CUL3: variants seen among roughly 807,000 people sequenced by gnomAD.
The protein encoded by CUL3 is cullin-3.
A neutral mutation model predicts 89.1 loss-of-function variants in CUL3; 19 were observed. The ratio of observed to expected loss-of-function variants is 0.21; its 90% CI spans 0.15 to 0.31. CUL3 has a LOEUF of 0.31. CUL3 is among the 10% of genes least tolerant of loss of function. The pLI, the probability that CUL3 is intolerant of heterozygous loss-of-function variation, is 1.00. For synonymous variants in CUL3, 351 were observed against 308.4 expected (o/e 1.14, Z -1.45); for missense variants, 469 against 942.3 (o/e 0.50, Z 6.58).
rs2106215785 is a variant in CUL3, at chr2:224,511,496, T to A, written c.741A>T (p.Arg247=). Residue 247 remains arginine, a synonymous_variant, in exon 6 of 16, where the codon CGA becomes CGT. Transcript: ENST00000264414. The part of the protein sequence containing the change: ...VEARINEEIE[R]VMHCLDKSTE... ...TTGATTTGTCAAGGCAGTGCATCAC[T>A]CGTTCTATTTCTTCATTAATTCTAG... 6.2e-7 allele frequency: 1 copy of A among 1,613,672 alleles called. No individual in the cohort carries two copies. Among genetic ancestry groups the A allele is most frequent in the Non-Finnish European group, 8.5e-7 (1 of 1,179,662 alleles).
chr2:224,540,210 C>A (rs1353662910), intron 2 of CUL3, among the ~76,000 whole-genome samples: 1 of 151,962 alleles, frequency 6.6e-6, no homozygotes, highest in Non-Finnish European at 1.5e-5. Context: ...GTGTGCGCCA[C>A]CACACCTGGC....
Position 224,474,629 on chromosome 2 carries a change from T to C in CUL3, c.2176-253A>G, listed in dbSNP as rs575126934. 1.6e-5 allele frequency: 6 copies of C among 372,116 alleles called. No individual in the cohort carries two copies. In the South Asian group the frequency reaches 2.5e-4, roughly 15 times the overall value. 23.1% of individuals were successfully genotyped at this position (372,116 alleles called of 1,614,324 possible). On this transcript the variant is annotated intron_variant, in intron 15 of 15. Coordinates refer to ENST00000264414, the MANE Select transcript of CUL3 (RefSeq NM_003590.5). ...ATTGAATTAGTTGGAATTACAGTAG[T>C]GTGAGCATATGCCACCTATAGTTTA...
At chr2:224,546,237 T>C (rs977307473) in intron 2 of CUL3, among the ~76,000 whole-genome samples, 1 of 152,090 alleles carries the variant, frequency 6.6e-6, no homozygotes, top group African/African-American at 2.4e-5. Context: ...CAGGAAAACA[T>C]ACACAAAGCA....
At chr2:224,527,628 A>ATC (rs1693526786) in intron 3 of CUL3, among the ~76,000 whole-genome samples, 1 of 152,206 alleles carries the variant, frequency 6.6e-6, no homozygotes, top group Non-Finnish European at 1.5e-5. Flanking sequence ...TGATATAAGC[A>ATC]AACCTTGAAC....
At chr2:224,542,550 C>T (rs1288140960) in intron 2 of CUL3, among the ~76,000 whole-genome samples, 2 of 143,140 alleles carry the variant, frequency 1.4e-5, no homozygotes, top group African/African-American at 2.7e-5. Flanking sequence ...TGGCTGTGTG[C>T]GTGTGCGTGT....
rs374191606 is a variant in CUL3 at position 224,470,580 on chromosome 2, A to T, written c.*3665T>A. On this transcript the variant is annotated 3_prime_UTR_variant, in exon 16 of 16. Coordinates refer to ENST00000264414, the MANE Select transcript of CUL3 (RefSeq NM_003590.5). ...AAAGGAAAACATTTTGTAAAACTGT[A>T]GATTTGAATTTAAGGTACATGCCTA... 1.6e-3 allele frequency: 375 copies of T among 231,650 alleles called. 4 individuals carry two copies. The highest frequency in any genetic ancestry group is 6.9e-3 in the African/African-American group (315 of 45,400). The allele number at this position is 231,650 out of a possible 1,614,324, so 14.3% of individuals were successfully genotyped here.
intron 1 of CUL3, among the ~76,000 whole-genome samples, chr2:224,567,102 C>A (rs1236170196): frequency 6.6e-6 from 1 of 152,158 alleles, no homozygotes; most frequent in East Asian, 1.9e-4. Context: ...TCCAGGTTTA[C>A]AGTTTTCCAC....
chr2:224,566,979 C>T (rs1695056163), intron 1 of CUL3, among the ~76,000 whole-genome samples: 1 of 152,172 alleles, frequency 6.6e-6, no homozygotes, highest in Admixed American at 6.5e-5. Flanking sequence ...AGAACTTAAT[C>T]TAGTACACAT....
intron 10 of CUL3, among the ~76,000 whole-genome samples, chr2:224,501,394 CAATT>C (rs1692383738): frequency 6.6e-6 from 1 of 152,158 alleles, no homozygotes; most frequent in Non-Finnish European, 1.5e-5. Context: ...TCAACTGTCA[CAATT>C]ATTTTCTTCC....
intron 2 of CUL3, among the ~76,000 whole-genome samples, chr2:224,544,558 C>T (rs1209696411): frequency 6.6e-6 from 1 of 151,666 alleles, no homozygotes; most frequent in Non-Finnish European, 1.5e-5. Flanking sequence ...TTTAAATTTC[C>T]ACTTAAAACA....
At chr2:224,553,587 T>A (rs1010539098) in intron 2 of CUL3, among the ~76,000 whole-genome samples, 1 of 152,218 alleles carries the variant, frequency 6.6e-6, no homozygotes, top group African/African-American at 2.4e-5. Context: ...TATGAAACCC[T>A]AATCCCAAAT....
Position 224,497,705 on chromosome 2 carries a change from A to G in CUL3, c.1707+48T>C, listed in dbSNP as rs1692219624. 3.6e-6 allele frequency: 5 copies of G among 1,401,550 alleles called. No individual in the cohort carries two copies. The African/African-American group carries it at 5.6e-5, about 16-fold the overall frequency. The allele number at this position is 1,401,550 out of a possible 1,614,324, so 86.8% of individuals were successfully genotyped here. ...CAACATAAATCACACATCAGCTCTA[A>G]TAGACTAACTTTAAGTTACTTAATA... is the stretch of plus-strand genomic sequence containing the variant. On this transcript the variant is annotated intron_variant, in intron 12 of 15. Transcript: ENST00000264414.
chr2:224,542,465 T>C (rs1428466960), intron 2 of CUL3, among the ~76,000 whole-genome samples: 1 of 151,914 alleles, frequency 6.6e-6, no homozygotes, highest in East Asian at 1.9e-4. Flanking sequence ...AGCTAGGACT[T>C]CAGCAGCACG....
chr2:224,569,908 AAAAAT>A (rs1289853188), intron 1 of CUL3: 1 of 475,472 alleles, frequency 2.1e-6, no homozygotes, highest in Non-Finnish European at 2.7e-6. Context: ...CAGCTAGAAA[AAAAAT>A]AAACAAGGGA....
chr2:224,525,608 AATG>A (rs1693445649), intron 3 of CUL3, among the ~76,000 whole-genome samples: 1 of 152,236 alleles, frequency 6.6e-6, no homozygotes, highest in African/African-American at 2.4e-5. Context: ...TAACAAAAAT[AATG>A]ATAAGATAAT....
chr2:224,554,491 A>G (rs1439946039), intron 2 of CUL3, among the ~76,000 whole-genome samples: 2 of 152,212 alleles, frequency 1.3e-5, no homozygotes, highest in African/African-American at 2.4e-5. Context: ...GAGCAGATCT[A>G]CAGAGAATTC....
At position 224,500,627 on chromosome 2, in the gene CUL3, CT is replaced by C. The variant is rs11350781; in HGVS notation, c.1486-141del. On this transcript the variant is annotated intron_variant, in intron 10 of 15. Coordinates refer to ENST00000264414, the MANE Select transcript of CUL3 (RefSeq NM_003590.5). ...TTTAAAAAAAAGCAGATTTTCTTTT[CT>C]TTTTTTTTTTTTTTTTGAGACAGAG... is the stretch of plus-strand genomic sequence containing the variant. The C allele has an allele frequency of 0.29, 114,386 of 394,602 alleles. 4,110 individuals carry two copies. Among genetic ancestry groups the C allele is most frequent in the Middle Eastern group, 0.32 (377 of 1,162 alleles). 24.4% of individuals were successfully genotyped at this position (394,602 alleles called of 1,614,324 possible).
intron 3 of CUL3, among the ~76,000 whole-genome samples, chr2:224,529,690 G>C (rs1224137485): frequency 6.6e-6 from 1 of 152,034 alleles, no homozygotes. Context: ...GCTTTCAGGA[G>C]CCAAACAGGT....
chr2:224,479,665 TG>T (rs1691456919), intron 14 of CUL3: 2 of 152,178 alleles, frequency 1.3e-5, no homozygotes, highest in South Asian at 4.1e-4. Context: ...CTGAGATATT[TG>T]TAAATTAACT....
Sources: allele counts gnomAD v4.1 joint callset (sites outside exome capture counted in the v4.1 genomes callset), GRCh38; gene constraint gnomAD v4.1.1; transcripts MANE v1.5; gene names NCBI Gene and HGNC (gene_info 2026-07-23, HGNC 2026-07-21).